Variants in DRC1 observed in about 807,000 individuals in gnomAD.
DRC1 encodes dynein regulatory complex protein 1.
In DRC1, 74 loss-of-function variants were observed where a neutral mutation model predicts 98.7. That is an observed-to-expected ratio of 0.75 (90% CI 0.62 to 0.91). DRC1 has a LOEUF of 0.91. Ranked by LOEUF, DRC1 falls within the 40% of genes least tolerant of loss-of-function variation. The probability of loss-of-function intolerance (pLI) is 0.00; values close to 1 mark genes in which losing one functional copy is unlikely to be tolerated. For synonymous variants in DRC1, 336 were observed against 334.1 expected, an observed-to-expected ratio of 1.01 and a Z score of -0.06; for missense variants, 875 against 886.0, an observed-to-expected ratio of 0.99 and a Z score of 0.16.
intron 2 of DRC1, among the ~76,000 whole-genome samples, chr2:26,419,186 G>A (rs1385433101): frequency 6.6e-6 from 1 of 151,996 alleles, no homozygotes; most frequent in Non-Finnish European, 1.5e-5. Flanking sequence ...ACCATGCCCG[G>A]CTGAATGTTT....
At chr2:26,405,539 G>C (rs1678388464) in intron 1 of DRC1, among the ~76,000 whole-genome samples, 1 of 151,716 alleles carries the variant, frequency 6.6e-6, no homozygotes, top group Admixed American at 6.6e-5. Flanking sequence ...GGTCAGTGAG[G>C]GTGAGAAAGA....
intron 7 of DRC1, among the ~76,000 whole-genome samples, chr2:26,437,176 G>T (rs1444400853): frequency 1.3e-5 from 2 of 152,228 alleles, no homozygotes; most frequent in Non-Finnish European, 2.9e-5. Flanking sequence ...AACTTTGCAA[G>T]AAGAGCTTCT....
At chr2:26,415,689 T>G (rs1678775890) in intron 2 of DRC1, among the ~76,000 whole-genome samples, 1 of 152,148 alleles carries the variant, frequency 6.6e-6, no homozygotes, top group African/African-American at 2.4e-5. Context: ...CCCAGGACTT[T>G]GGGAGGCCGA....
intron 7 of DRC1, among the ~76,000 whole-genome samples, chr2:26,433,238 C>A (rs1314489291): frequency 6.6e-6 from 1 of 152,186 alleles, no homozygotes; most frequent in African/African-American, 2.4e-5. Context: ...AATGTAATTG[C>A]ATCTTAATAT....
intron 3 of DRC1, among the ~76,000 whole-genome samples, chr2:26,423,710 C>G (rs1663209834): frequency 6.6e-6 from 1 of 152,202 alleles, no homozygotes; most frequent in African/African-American, 2.4e-5. Context: ...ATAATTTAAG[C>G]ACCATGTGTT....
chr2:26,423,956 T>C (rs1438695383), intron 3 of DRC1, among the ~76,000 whole-genome samples: 1 of 152,214 alleles, frequency 6.6e-6, no homozygotes, highest in Non-Finnish European at 1.5e-5. Context: ...TTGTGTGTTA[T>C]CATCTTACTC....
chr2:26,413,532 TA>T (rs1678691489), intron 1 of DRC1, among the ~76,000 whole-genome samples: 1 of 152,226 alleles, frequency 6.6e-6, no homozygotes, highest in Non-Finnish European at 1.5e-5. Flanking sequence ...AGTCTCATAA[TA>T]GAGTAATGAC....
At chr2:26,453,856 G>A (rs1664073013) in intron 14 of DRC1, among the ~76,000 whole-genome samples, 1 of 152,236 alleles carries the variant, frequency 6.6e-6, no homozygotes, top group African/African-American at 2.4e-5. Flanking sequence ...GCACATTCAA[G>A]GTGCACCATT....
intron 10 of DRC1, among the ~76,000 whole-genome samples, chr2:26,448,088 C>T (rs971018764): frequency 2.0e-5 from 3 of 151,108 alleles, no homozygotes; most frequent in Admixed American, 6.6e-5. Context: ...AGCCAGGTGT[C>T]GCGGTGGGTG....
intron 1 of DRC1, among the ~76,000 whole-genome samples, chr2:26,404,674 G>A (rs550860820): frequency 6.6e-6 from 1 of 152,322 alleles, no homozygotes; most frequent in South Asian, 2.1e-4. Flanking sequence ...GTACTGAGGT[G>A]CAGTTTCAGA....
intron 7 of DRC1, among the ~76,000 whole-genome samples, chr2:26,432,663 C>T (rs113817105): frequency 2.0e-5 from 3 of 152,128 alleles, no homozygotes; most frequent in African/African-American, 7.2e-5. Flanking sequence ...GGTCTGGAAG[C>T]CATTTTCTCC....
In DRC1 at chr2:26,444,960, A is replaced by T; in HGVS notation, c.1396+12A>T. The T allele has an allele frequency of 6.2e-7, 1 of 1,613,012 alleles. No individual in the cohort carries two copies. Among genetic ancestry groups the T allele is most frequent in the Non-Finnish European group, 8.5e-7 (1 of 1,179,538 alleles). ...GCTTATGCGCTCAGGTGACTAGAACACTGTCATAGAGCCTTAGAGCTGGAG... is the reference window on the plus strand; with the variant it reads ...GCTTATGCGCTCAGGTGACTAGAACTCTGTCATAGAGCCTTAGAGCTGGAG... On this transcript the variant is annotated intron_variant, in intron 10 of 16. Coordinates refer to ENST00000288710, the MANE Select transcript of DRC1 (RefSeq NM_145038.5).
chr2:26,415,742 G>A (rs537682254), intron 2 of DRC1, among the ~76,000 whole-genome samples: 77 of 152,254 alleles, frequency 5.1e-4, no homozygotes, highest in African/African-American at 1.8e-3. Context: ...GACCAGCCTG[G>A]CCAACATGGT....
At chr2:26,435,792 G>A (rs1663554220) in intron 7 of DRC1, among the ~76,000 whole-genome samples, 1 of 150,232 alleles carries the variant, frequency 6.7e-6, no homozygotes, top group Non-Finnish European at 1.5e-5. Context: ...GTATGATGTT[G>A]TTCTTTTTAT....
chr2:26,435,066 T>C (rs1323824838), intron 7 of DRC1, among the ~76,000 whole-genome samples: 1 of 152,058 alleles, frequency 6.6e-6, no homozygotes, highest in Non-Finnish European at 1.5e-5. Flanking sequence ...CAGTGGGGTC[T>C]CTAGAGTCAG....
chr2:26,448,830 A>G, intron 11 of DRC1, 27 bp downstream of exon 11: 2 of 1,609,656 alleles, frequency 1.2e-6, no homozygotes, highest in Non-Finnish European at 1.7e-6. Context: ...GCTGCAGCAG[A>G]GGGACTCACG....
At chr2:26,443,057 G>T (rs1558450525) in intron 8 of DRC1, among the ~76,000 whole-genome samples, 2 of 152,186 alleles carry the variant, frequency 1.3e-5, no homozygotes, top group Non-Finnish European at 1.5e-5. Flanking sequence ...AAATGGGTTA[G>T]CTGTTTCTTT....
intron 8 of DRC1, among the ~76,000 whole-genome samples, chr2:26,443,082 G>A (rs1050942623): frequency 3.3e-5 from 5 of 152,122 alleles, no homozygotes; most frequent in Non-Finnish European, 7.4e-5. Context: ...CAGAGACTAA[G>A]GTAACGACTT....
At chr2:26,440,617 A>G in intron 8 of DRC1, 100 bp downstream of exon 8, 1 of 1,365,926 alleles carries the variant, frequency 7.3e-7, no homozygotes, top group South Asian at 2.1e-5. Context: ...ACCATTAAAA[A>G]TATAACCAAC....
Sources: allele counts gnomAD v4.1 joint callset (sites outside exome capture counted in the v4.1 genomes callset), GRCh38; gene constraint gnomAD v4.1.1; transcripts MANE v1.5; gene names NCBI Gene and HGNC (gene_info 2026-07-23, HGNC 2026-07-21).